Variants in PRSS53 observed in about 807,000 individuals in gnomAD.
The protein encoded by PRSS53 is serine protease 53, also known as EDTP308.
In PRSS53, 54 loss-of-function variants were observed where a neutral mutation model predicts 62.7. The ratio of observed to expected loss-of-function variants is 0.86; its 90% CI spans 0.69 to 1.08. The LOEUF (loss-of-function observed/expected upper bound fraction) is 1.08. Among genes scored for constraint, PRSS53 ranks in the 50% least tolerant of loss-of-function variants. The pLI is 0.00. For missense variants in PRSS53, 688 were observed against 728.3 expected (o/e 0.94, Z 0.64); for synonymous variants, 273 against 300.0 (o/e 0.91, Z 0.93).
exon 9 of PRSS53, chr16:31,084,634 G>C (rs766373634): frequency 1.1e-5 from 18 of 1,608,124 alleles, no homozygotes; most frequent in Non-Finnish European, 1.2e-5. Flanking sequence ...ACCCCCAGGA[G>C]CTGCATGCAG....
chr16:31,086,615 G>A lies in PRSS53; in HGVS notation c.508+18C>T. On this transcript the variant is annotated intron_variant, in intron 4 of 10. Coordinates refer to ENST00000280606, the Ensembl canonical transcript of PRSS53. ...AAGCAGAGTGCCTCTCCGAGCTTCA[G>A]TCTGGGCCAGCACTTACCATCACTG... The A allele has an allele frequency of 1.3e-6, 2 of 1,542,154 alleles. No homozygotes were observed. Among genetic ancestry groups the A allele is most frequent in the East Asian group, 2.3e-5 (1 of 44,108 alleles).
At chr16:31,087,924 G>GCCTGTGACTCTGATTACCTTA (rs1395731571) in intron 1 of PRSS53, 98 bp from the exon 2 acceptor site, 1 of 1,567,836 alleles carries the variant, frequency 6.4e-7, no homozygotes, top group East Asian at 2.4e-5. Flanking sequence ...CAGGGTCCTT[G>GCCTGTGACTCTGATTACCTTA]CCTGTGACTC....
In PRSS53 at chr16:31,085,105, C is replaced by T. The variant is rs762701898; in HGVS notation, c.1034+5G>A. 3.7e-6 allele frequency: 6 copies of T among 1,613,078 alleles called. No individual in the cohort carries two copies. In the South Asian group the frequency reaches 6.6e-5, roughly 18 times the overall value. On this transcript the variant is annotated splice_donor_5th_base_variant and intron_variant, in intron 7 of 10. Coordinates refer to ENST00000280606, the Ensembl canonical transcript of PRSS53. ...GGGCACAGCAGAGAGGGATCCAAGA[C>T]TCACCCAATGAAGCAGTGGGCAGCA...
At position 31,088,786 on chromosome 16, in the gene PRSS53, C is replaced by T. The variant is rs766027085; in HGVS notation, c.24G>A (p.Val8=). 1.5e-5 allele frequency: 24 copies of T among 1,613,728 alleles called. No individual in the cohort carries two copies. The Admixed American group carries it at 3.8e-4, about 26-fold the overall frequency. Residue 8 remains valine, a synonymous_variant, in exon 1 of 11, where the codon GTG becomes GTA. Coordinates refer to ENST00000280606, the Ensembl canonical transcript of PRSS53. ...GGACTGTGGCACCCGCGATGAGCAG[C>T]ACTGGGCCCCAGCACCACTTCATGC...
rs746598651 is a variant in PRSS53 at position 31,084,299 on chromosome 16, C to T, written c.1462G>A (p.Gly488Ser). ...TGCAGCCCGGCCAGGAACCATGTGCCCCTCACCTCATGCACCAGTGGTGCC... is the reference window on the plus strand; with the variant it reads ...TGCAGCCCGGCCAGGAACCATGTGCTCCTCACCTCATGCACCAGTGGTGCC... Residue 488 changes from glycine (G) to serine (S), a missense_variant, in exon 10 of 11, where the codon GGC becomes AGC. Transcript: ENST00000280606. The T allele has an allele frequency of 1.9e-6, 3 of 1,612,896 alleles. No homozygotes were observed. In the East Asian group the frequency reaches 6.7e-5, roughly 36 times the overall value.
exon 6 of PRSS53, chr16:31,086,021 C>G: frequency 1.9e-6 from 3 of 1,614,070 alleles, no homozygotes; most frequent in Non-Finnish European, 2.5e-6. Context: ...GCCAGGAAAG[C>G]TGCCCCCTGA....
chr16:31,088,648 C>T (rs949661548), intron 1 of PRSS53, 104 bp downstream of exon 1: 27 of 1,579,288 alleles, frequency 1.7e-5, no homozygotes, highest in Admixed American at 1.2e-4. Context: ...GGTGGACTGT[C>T]GCCCACAGGC....
chr16:31,087,785 C>G, intron 2 of PRSS53, 21 bp downstream of exon 2: 2 of 1,614,082 alleles, frequency 1.2e-6, no homozygotes, highest in Non-Finnish European at 8.5e-7. Flanking sequence ...AAGACCTAGG[C>G]CCCGTGTCCC....
intron 1 of PRSS53, chr16:31,088,396 G>A (rs2057256625): frequency 8.5e-7 from 1 of 1,171,304 alleles, no homozygotes; most frequent in South Asian, 2.1e-5. Context: ...GAGCCAGGCT[G>A]CCCAGAGGAT....
intron 3 of PRSS53, chr16:31,087,171 A>T: frequency 1.9e-6 from 1 of 518,608 alleles, no homozygotes. Flanking sequence ...CTAATTTTAC[A>T]GTTTTTGTAG....
intron 6 of PRSS53, 33 bp downstream of exon 6, chr16:31,085,931 C>G (rs759208403): frequency 6.3e-7 from 1 of 1,578,798 alleles, no homozygotes; most frequent in Non-Finnish European, 8.7e-7. Context: ...TTCACAGTGG[C>G]TTCTGCCCAC....
At chr16:31,083,467 A>G (rs1012192768) in exon 11 of PRSS53, 4 of 1,316,304 alleles carry the variant, frequency 3.0e-6, no homozygotes, top group African/African-American at 1.5e-5. Flanking sequence ...TTAAGTTTAA[A>G]AAAAGGAAAA....
rs1210372265 is a variant in PRSS53, at chr16:31,083,620, A to C, written c.*170T>G. 3.3e-6 allele frequency: 5 copies of C among 1,503,506 alleles called. No individual in the cohort carries two copies. The East Asian group carries it at 9.9e-5, about 30-fold the overall frequency. 93.1% of individuals were successfully genotyped at this position (1,503,506 alleles called of 1,614,324 possible). A position where few individuals can be genotyped will look rare whatever the true frequency, so the allele number is the denominator to read the frequency against. ...GTGTCCACAGACACCCCTGTCCTGC[A>C]GGGTGGGGAGTGGGCACCTGTGGCC... is the stretch of plus-strand genomic sequence containing the variant. On this transcript the variant is annotated 3_prime_UTR_variant, in exon 11 of 11. Coordinates refer to ENST00000280606, the Ensembl canonical transcript of PRSS53.
rs371057405 is a variant in PRSS53, at chr16:31,084,259, G to A, written c.1502C>T (p.Ala501Val). The stretch of plus-strand genomic sequence containing the variant: ...CGCCGGCCTGGCGGGGCCTTGGCAA[G>A]CATCTCCGAAGCTGTGCAGCCCGGC... The change falls in exon 10 of 11, where the codon GCT becomes GTT. Residue 501 changes from alanine (A) to valine (V), a missense_variant. Transcript: ENST00000280606. 49 of 1,612,272 alleles carry A rather than the reference G, an allele frequency of 3.0e-5. No individual in the cohort carries two copies. In the African/African-American group the frequency reaches 5.6e-4, roughly 18 times the overall value.
chr16:31,088,538 G>A lies in PRSS53; in HGVS notation c.58+214C>T, dbSNP rs73530203. ...ACACACACACAAGACCACAGGCCCC[G>A]CCAACGCAAACTGCAGCTGGCCCGA... On this transcript the variant is annotated intron_variant, in intron 1 of 10. Transcript: ENST00000280606. 536,648 of 1,425,838 alleles carry A rather than the reference G, an allele frequency of 0.38. 107,485 individuals carry two copies. The highest frequency in any genetic ancestry group is 0.69 in the South Asian group (47,452 of 68,644). The allele number at this position is 1,425,838 out of a possible 1,614,324, so 88.3% of individuals were successfully genotyped here.
exon 6 of PRSS53, chr16:31,086,027 C>T: frequency 6.2e-7 from 1 of 1,614,086 alleles, no homozygotes; most frequent in Non-Finnish European, 8.5e-7. Context: ...AAAGCTGCCC[C>T]CTGAACTCGA....
At chr16:31,088,334 G>A in intron 1 of PRSS53, 1 of 1,114,544 alleles carries the variant, frequency 9.0e-7, no homozygotes, top group Non-Finnish European at 1.1e-6. Flanking sequence ...GCCAGAGAGA[G>A]GGCCCCTGCC....
At chr16:31,086,307 C>G (rs1263380698) in intron 5 of PRSS53, 30 bp downstream of exon 5, 3 of 1,594,428 alleles carry the variant, frequency 1.9e-6, no homozygotes, top group Non-Finnish European at 2.6e-6. Context: ...GGCCCCTCCC[C>G]TTCTGCTCCT....
chr16:31,083,908 C>T, intron 10 of PRSS53, 99 bp from the exon 11 acceptor site: 1 of 1,589,916 alleles, frequency 6.3e-7, no homozygotes, highest in Non-Finnish European at 8.6e-7. Flanking sequence ...GTCTTGGCCG[C>T]CATGACAGAT....
Sources: allele counts gnomAD v4.1 joint callset, GRCh38; gene constraint gnomAD v4.1.1; transcripts MANE v1.5; gene names NCBI Gene and HGNC (gene_info 2026-07-23, HGNC 2026-07-21).